VPS13A: variants seen among roughly 807,000 people sequenced by gnomAD.
The protein encoded by VPS13A is intermembrane lipid transfer protein VPS13A.
VPS13A carries 264 observed loss-of-function variants against 390.9 expected under a neutral mutation model. The ratio of observed to expected loss-of-function variants is 0.68; its 90% CI spans 0.61 to 0.75. The LOEUF is 0.75. Among genes scored for constraint, VPS13A ranks in the 30% least tolerant of loss-of-function variants. VPS13A has a pLI of 0.00. For synonymous variants in VPS13A, 1,231 were observed against 1,227.1 expected, an observed-to-expected ratio of 1.00 and a Z score of -0.07; for missense variants, 3,409 against 3,733.9, an observed-to-expected ratio of 0.91 and a Z score of 2.27.
chr9:77,226,923 G>T (rs1353195677), intron 15 of VPS13A, among the ~76,000 whole-genome samples: 2 of 151,980 alleles, frequency 1.3e-5, no homozygotes, highest in African/African-American at 4.8e-5. Flanking sequence ...AAAGATTTTT[G>T]ATTTTTAACT....
At chr9:77,381,587 T>TAA (rs949194282) in intron 67 of VPS13A, among the ~76,000 whole-genome samples, 1 of 147,280 alleles carries the variant, frequency 6.8e-6, no homozygotes, top group African/African-American at 2.5e-5. Flanking sequence ...AGGGGTGCTT[T>TAA]AAAAAAAAAA....
intron 56 of VPS13A, among the ~76,000 whole-genome samples, 163 bp from the exon 57 acceptor site, chr9:77,358,194 G>A (rs1038010119): frequency 6.6e-6 from 1 of 151,826 alleles, no homozygotes; most frequent in Non-Finnish European, 1.5e-5. Flanking sequence ...GACCCCAGAT[G>A]ATCCACCCGC....
At chr9:77,246,676 A>T (rs1824833836) in intron 19 of VPS13A, among the ~76,000 whole-genome samples, 1 of 152,166 alleles carries the variant, frequency 6.6e-6, no homozygotes, top group Non-Finnish European at 1.5e-5. Flanking sequence ...GACATAAAAT[A>T]GATGAATTTG....
At chr9:77,310,239 G>C (rs1828989908) in intron 35 of VPS13A, among the ~76,000 whole-genome samples, 1 of 152,114 alleles carries the variant, frequency 6.6e-6, no homozygotes, top group East Asian at 1.9e-4. Context: ...CTACTCAGGA[G>C]TGCACTGAAA....
At chr9:77,412,251 A>G (rs1354347600) in intron 71 of VPS13A, among the ~76,000 whole-genome samples, 1 of 152,242 alleles carries the variant, frequency 6.6e-6, no homozygotes, top group African/African-American at 2.4e-5. Context: ...TTATGAAGCC[A>G]GCATCATCCT....
chr9:77,351,558 GC>G, intron 53 of VPS13A, 112 bp downstream of exon 53: 1 of 1,353,784 alleles, frequency 7.4e-7, no homozygotes, highest in Non-Finnish European at 1.0e-6. Context: ...GCTGAGGTGG[GC>G]CATGAGTTGG....
rs188964138 is a variant in VPS13A at position 77,395,598 on chromosome 9, A to G, written c.9190-7638A>G. ...GAGTTGCCATAAACCTTCAATTTGT[A>G]AAAAACACAATATCTGGGAAATACA... On this transcript the variant is annotated intron_variant, in intron 68 of 71. Transcript: ENST00000360280. 1.7e-4 allele frequency: 26 copies of G among 152,326 alleles called. No homozygotes were observed. The East Asian group carries it at 4.8e-3, about 28-fold the overall frequency. 9.4% of individuals were successfully genotyped at this position (152,326 alleles called of 1,614,324 possible).
chr9:77,254,623 A>G (rs1825338771), intron 22 of VPS13A, among the ~76,000 whole-genome samples: 1 of 152,210 alleles, frequency 6.6e-6, no homozygotes, highest in Non-Finnish European at 1.5e-5. Context: ...TTTGAATAGT[A>G]TTGACATCTT....
intron 10 of VPS13A, among the ~76,000 whole-genome samples, chr9:77,219,664 T>C (rs1205473058): frequency 6.8e-6 from 1 of 147,058 alleles, no homozygotes; most frequent in Non-Finnish European, 1.5e-5. Flanking sequence ...ATTTTTTTGA[T>C]TTTTTTTTTC....
chr9:77,410,238 C>A (rs990742582), intron 71 of VPS13A, among the ~76,000 whole-genome samples: 57 of 152,222 alleles, frequency 3.7e-4, no homozygotes, highest in African/African-American at 1.2e-3. Flanking sequence ...TACAGAAAGG[C>A]AAATGCTGAG....
chr9:77,407,442 T>C lies in VPS13A; in HGVS notation c.9400-91T>C, dbSNP rs949666820. On this transcript the variant is annotated intron_variant, in intron 70 of 71. Transcript: ENST00000360280. ...CATGATTTGTATAAGAGGGACACTT[T>C]AGGCATACAGTAATAAAGCTTTGTG... is the stretch of plus-strand genomic sequence containing the variant. The C allele has an allele frequency of 9.8e-6, 10 of 1,022,432 alleles. No individual in the cohort carries two copies. In the East Asian group the frequency reaches 1.7e-4, roughly 17 times the overall value. The allele number at this position is 1,022,432 out of a possible 1,614,324, so 63.3% of individuals were successfully genotyped here. A position where few individuals can be genotyped will look rare whatever the true frequency, so the allele number is the denominator to read the frequency against.
Position 77,275,534 on chromosome 9 carries a change from C to T in VPS13A, c.2549C>T (p.Pro850Leu). Residue 850 changes from proline (P) to leucine (L), a missense_variant, in exon 25 of 72, where the codon CCC becomes CTC. Physicochemically the swap from Pro to Leu is moderately conservative, Grantham distance 98. Around this residue, in one of 5 missense-constraint regions of VPS13A, gnomAD observed 2,717 missense variants for 2,917.4 expected, o/e 0.93. Coordinates refer to ENST00000360280, the MANE Select transcript of VPS13A (RefSeq NM_033305.3). ...GAATTTTTTGATGCACCATGTAGTC[C>T]CTTGGAAGAACCTCTTCAGTTTCCA... ...EEEFFDAPCS[P>L]LEEPLQFPTG... The T allele has an allele frequency of 6.2e-7, 1 of 1,613,504 alleles. No individual in the cohort carries two copies. The highest frequency in any genetic ancestry group is 8.5e-7 in the Non-Finnish European group (1 of 1,179,740).
chr9:77,341,342 G>GA lies in VPS13A; in HGVS notation c.7026+800dup, dbSNP rs565051680. On this transcript the variant is annotated intron_variant, in intron 50 of 71. Coordinates refer to ENST00000360280, the MANE Select transcript of VPS13A (RefSeq NM_033305.3). ...TATTAAATCTTGCAATTGCAAAAAA[G>GA]AAAAAAAAGAAAGAAAAATCTCTCT... Among the ~76,000 whole-genome samples the GA allele has an allele frequency of 2.6e-3, 387 of 151,532 alleles. 1 individual carries two copies. The highest frequency in any genetic ancestry group is 8.7e-3 in the African/African-American group (360 of 41,332).
intron 68 of VPS13A, among the ~76,000 whole-genome samples, chr9:77,400,623 C>G (rs989488458): frequency 6.6e-6 from 1 of 151,192 alleles, no homozygotes; most frequent in Admixed American, 6.6e-5. Context: ...GTCAGGAGAT[C>G]AAGATCCTGG....
At position 77,245,926 on chromosome 9, in the gene VPS13A, T is replaced by A. The variant is rs373810835; in HGVS notation, c.1901-1333T>A. On this transcript the variant is annotated intron_variant, in intron 19 of 71. Transcript: ENST00000360280. The stretch of plus-strand genomic sequence containing the variant: ...ATGCTTCCACTCATGGCAGAAAGAG[T>A]TGGGGAGCCCACATGTGCAGAGATT... 4.5e-4 allele frequency among the ~76,000 whole-genome samples: 69 copies of A among 152,192 alleles called. No homozygotes were observed. The East Asian group carries it at 0.012, about 26-fold the overall frequency.
chr9:77,223,599 G>A (rs1823343237), intron 13 of VPS13A, among the ~76,000 whole-genome samples: 1 of 152,152 alleles, frequency 6.6e-6, no homozygotes, highest in Non-Finnish European at 1.5e-5. Context: ...CCAGTGCAAG[G>A]CCCTAAACAT....
intron 39 of VPS13A, among the ~76,000 whole-genome samples, chr9:77,316,845 C>G (rs1228761012): frequency 6.6e-6 from 1 of 152,012 alleles, no homozygotes; most frequent in Non-Finnish European, 1.5e-5. Context: ...TTTGAACCTT[C>G]AGCCATTTGC....
chr9:77,303,680 A>C (rs1414496057), intron 34 of VPS13A, among the ~76,000 whole-genome samples: 2 of 152,142 alleles, frequency 1.3e-5, no homozygotes, highest in Non-Finnish European at 2.9e-5. Flanking sequence ...AGGTCAGCAA[A>C]AAACGTGTGA....
intron 63 of VPS13A, among the ~76,000 whole-genome samples, chr9:77,370,019 T>G (rs2131586560): frequency 6.6e-6 from 1 of 152,228 alleles, no homozygotes; most frequent in East Asian, 1.9e-4. Context: ...TTCTGTACTT[T>G]GGTGAGTTGC....
Sources: gnomAD v4.1 joint callset for allele counts (sites outside exome capture counted in the v4.1 genomes callset) on GRCh38, gnomAD v4.1.1 for gene constraint, gnomAD v4.1.1 regional missense constraint, MANE v1.5 for transcripts, NCBI Gene and HGNC (gene_info 2026-07-23, HGNC 2026-07-21) for gene names.